Variants in WARS2 observed in about 807,000 individuals in gnomAD.
WARS2 encodes tryptophan--tRNA ligase, mitochondrial.
A neutral mutation model predicts 36.5 loss-of-function variants in WARS2; 28 were observed. That is an observed-to-expected ratio of 0.77 (90% CI 0.57 to 1.05). The LOEUF (loss-of-function observed/expected upper bound fraction) is 1.05, where lower values mean the gene tolerates loss of function less well. WARS2 is among the 50% of genes least tolerant of loss of function. The pLI is 0.00. For missense variants in WARS2, 435 were observed against 456.8 expected (o/e 0.95, Z 0.44); for synonymous variants, 174 against 178.4 (o/e 0.98, Z 0.20).
intron 1 of WARS2, among the ~76,000 whole-genome samples, chr1:119,100,260 T>A (rs896008920): frequency 1.3e-5 from 2 of 152,142 alleles, no homozygotes; most frequent in African/African-American, 4.8e-5. Context: ...TGAGATATCA[T>A]CTTACCCAAA....
chr1:119,100,789 T>G (rs1653800232), intron 1 of WARS2, among the ~76,000 whole-genome samples: 1 of 152,052 alleles, frequency 6.6e-6, no homozygotes, highest in Non-Finnish European at 1.5e-5. Context: ...GCCTCCTGAA[T>G]AGCCACACCA....
At chr1:119,110,242 G>A (rs994368277) in intron 1 of WARS2, among the ~76,000 whole-genome samples, 15 of 151,794 alleles carry the variant, frequency 9.9e-5, no homozygotes, top group Admixed American at 9.8e-4. Flanking sequence ...CTTTCTTTAT[G>A]TAGCTCCAAA....
intron 1 of WARS2, among the ~76,000 whole-genome samples, chr1:119,113,866 C>A (rs587728876): frequency 1.3e-5 from 2 of 152,148 alleles, no homozygotes; most frequent in African/African-American, 4.8e-5. Context: ...TTTCAGCACA[C>A]CTCTAGCTCT....
intron 1 of WARS2, among the ~76,000 whole-genome samples, chr1:119,116,622 A>C (rs587634853): frequency 6.6e-6 from 1 of 152,318 alleles, no homozygotes; most frequent in Admixed American, 6.5e-5. Context: ...GAACCTAAAA[A>C]TCCAGATCAC....
intron 4 of WARS2, among the ~76,000 whole-genome samples, chr1:119,040,860 T>C (rs1427884411): frequency 1.3e-5 from 2 of 152,352 alleles, no homozygotes; most frequent in East Asian, 3.9e-4. Flanking sequence ...AAATGTATTA[T>C]TAAGACTTTC....
intron 1 of WARS2, among the ~76,000 whole-genome samples, chr1:119,084,760 A>G (rs1652493623): frequency 6.6e-6 from 1 of 152,194 alleles, no homozygotes; most frequent in Non-Finnish European, 1.5e-5. Flanking sequence ...TTCAAGAGCC[A>G]TATTTATGAA....
intron 1 of WARS2, among the ~76,000 whole-genome samples, chr1:119,094,775 T>A (rs1457386049): frequency 1.3e-5 from 2 of 152,164 alleles, no homozygotes; most frequent in African/African-American, 4.8e-5. Context: ...TGTATTTAGA[T>A]CTCTAGACTT....
chr1:119,130,019 T>C (rs1655979951), intron 1 of WARS2, among the ~76,000 whole-genome samples: 1 of 152,180 alleles, frequency 6.6e-6, no homozygotes, highest in African/African-American at 2.4e-5. Context: ...CTACATCGTG[T>C]AACGGTGCAG....
chr1:119,089,328 T>C (rs2101397250), intron 1 of WARS2, among the ~76,000 whole-genome samples: 1 of 152,268 alleles, frequency 6.6e-6, no homozygotes, highest in East Asian at 1.9e-4. Context: ...CACATTTGCA[T>C]CATCAGACCC....
intron 2 of WARS2, among the ~76,000 whole-genome samples, chr1:119,046,161 C>T (rs374004342): frequency 2.0e-5 from 3 of 151,990 alleles, no homozygotes; most frequent in East Asian, 3.9e-4. Context: ...AGATTGAATT[C>T]TTTAGATATA....
chr1:119,049,659 T>C (rs530672478), intron 2 of WARS2, among the ~76,000 whole-genome samples: 58 of 152,344 alleles, frequency 3.8e-4, no homozygotes, highest in African/African-American at 1.3e-3. Context: ...ATCTGCTCTA[T>C]CCACAGCTGT....
intron 1 of WARS2, among the ~76,000 whole-genome samples, chr1:119,095,588 G>A (rs587624305): frequency 3.9e-5 from 6 of 152,052 alleles, no homozygotes; most frequent in South Asian, 2.1e-4. Flanking sequence ...GCCTGCCACC[G>A]CGCCCGGCTA....
At chr1:119,137,562 A>G (rs1030173531) in intron 1 of WARS2, among the ~76,000 whole-genome samples, 2 of 152,196 alleles carry the variant, frequency 1.3e-5, no homozygotes, top group African/African-American at 4.8e-5. Context: ...TTTGCACAAT[A>G]CAATCATGAC....
intron 1 of WARS2, 192 bp downstream of exon 1, chr1:119,140,363 T>G (rs1656867499): frequency 2.3e-6 from 1 of 441,334 alleles, no homozygotes; most frequent in African/African-American, 2.0e-5. Context: ...CAAGAAACCT[T>G]TACGTCATCA....
intron 1 of WARS2, chr1:119,139,775 T>C (rs758348819): frequency 4.6e-5 from 7 of 152,226 alleles, no homozygotes; most frequent in Admixed American, 1.3e-4. Context: ...TATGTCAAAG[T>C]GCTTGCCACT....
chr1:119,136,059 A>C (rs1656486136), intron 1 of WARS2, among the ~76,000 whole-genome samples: 2 of 152,208 alleles, frequency 1.3e-5, no homozygotes. Flanking sequence ...GGCGTCAGCC[A>C]CCGTGCTTGG....
chr1:119,060,955 G>C (rs1459038476), intron 2 of WARS2, among the ~76,000 whole-genome samples: 1 of 152,026 alleles, frequency 6.6e-6, no homozygotes, highest in African/African-American at 2.4e-5. Flanking sequence ...AATTCCACAT[G>C]CACGGGGCCA....
chr1:119,060,522 G>A (rs971663067), intron 2 of WARS2, among the ~76,000 whole-genome samples: 3 of 152,198 alleles, frequency 2.0e-5, no homozygotes, highest in Admixed American at 6.5e-5. Context: ...GGTTAAGGGA[G>A]CAACATATGA....
At chr1:119,045,541 T>C (rs772035433) in intron 3 of WARS2, 41 bp downstream of exon 3, 4 of 1,531,742 alleles carry the variant, frequency 2.6e-6, no homozygotes, top group South Asian at 2.4e-5. Flanking sequence ...AAGGGAAAAA[T>C]AGCTTCTTGT....
Sources: gnomAD v4.1 joint callset for allele counts (sites outside exome capture counted in the v4.1 genomes callset) on GRCh38, gnomAD v4.1.1 for gene constraint, MANE v1.5 for transcripts, NCBI Gene and HGNC (gene_info 2026-07-23, HGNC 2026-07-21) for gene names.